CMPK1: variants seen among roughly 807,000 people sequenced by gnomAD.
CMPK1 encodes UMP-CMP kinase.
Under a neutral mutation model 25.7 loss-of-function variants are expected in CMPK1, and 10 were observed. The ratio of observed to expected loss-of-function variants is 0.39; its 90% CI spans 0.24 to 0.66. The LOEUF (loss-of-function observed/expected upper bound fraction) is 0.66, where lower values mean the gene tolerates loss of function less well. Among genes scored for constraint, CMPK1 ranks in the 30% least tolerant of loss-of-function variants. CMPK1 has a pLI of 0.48. For synonymous variants in CMPK1, 106 were observed against 101.5 expected, an observed-to-expected ratio of 1.04 and a Z score of -0.27; for missense variants, 199 against 280.5, an observed-to-expected ratio of 0.71 and a Z score of 2.08.
intron 1 of CMPK1, among the ~76,000 whole-genome samples, chr1:47,354,789 A>G (rs890129152): frequency 1.3e-5 from 2 of 152,118 alleles, no homozygotes; most frequent in African/African-American, 4.8e-5. Context: ...ATTCATGTAC[A>G]TATGTCTTTG....
chr1:47,354,663 G>A (rs553607553), intron 1 of CMPK1, among the ~76,000 whole-genome samples: 1 of 132,328 alleles, frequency 7.6e-6, no homozygotes, highest in East Asian at 2.6e-4. Flanking sequence ...GGAACATACA[G>A]ATAGTTCTAC....
At chr1:47,340,218 GC>G (rs1646431094) in intron 1 of CMPK1, among the ~76,000 whole-genome samples, 2 of 151,508 alleles carry the variant, frequency 1.3e-5, no homozygotes, top group Admixed American at 6.6e-5. Flanking sequence ...CTCCCAAGTT[GC>G]TAGGTCTACA....
At chr1:47,373,679 C>G (rs1646690702) in intron 3 of CMPK1, among the ~76,000 whole-genome samples, 1 of 151,886 alleles carries the variant, frequency 6.6e-6, no homozygotes, top group African/African-American at 2.4e-5. Flanking sequence ...GCCTGTAATC[C>G]CAGCTACTTG....
Position 47,333,905 on chromosome 1 carries a change from G to C in CMPK1, c.-41G>C. On this transcript the variant is annotated 5_prime_UTR_variant, in exon 1 of 6. Transcript: ENST00000371873. ...CCCCGCCCCGCCCCGCGCCGCGCCGGCCGCTGTCAGCTCCCTCAGCGTCCG... is the reference window on the plus strand; with the variant it reads ...CCCCGCCCCGCCCCGCGCCGCGCCGCCCGCTGTCAGCTCCCTCAGCGTCCG... The C allele has an allele frequency of 2.4e-6, 3 of 1,237,966 alleles. No homozygotes were observed. The highest frequency in any genetic ancestry group is 2.9e-5 in the South Asian group (1 of 34,892). 76.7% of individuals were successfully genotyped at this position (1,237,966 alleles called of 1,614,324 possible).
intron 2 of CMPK1, among the ~76,000 whole-genome samples, chr1:47,372,066 C>A (rs553021289): frequency 3.3e-5 from 5 of 151,934 alleles, no homozygotes; most frequent in Non-Finnish European, 7.4e-5. Flanking sequence ...TCTCTGTCAT[C>A]ACCTTAGTTC....
chr1:47,336,124 G>A (rs1295957377), intron 1 of CMPK1, among the ~76,000 whole-genome samples: 15 of 108,732 alleles, frequency 1.4e-4, no homozygotes, highest in East Asian at 1.3e-3. Context: ...GCGACAGAGC[G>A]AGACTCCGTC....
intron 1 of CMPK1, among the ~76,000 whole-genome samples, chr1:47,350,164 A>C (rs866726337): frequency 4.0e-4 from 61 of 152,034 alleles, no homozygotes; most frequent in Admixed American, 1.6e-3. Context: ...GTCTCGAACT[A>C]CTGGGTTCAA....
intron 1 of CMPK1, among the ~76,000 whole-genome samples, chr1:47,365,827 A>C (rs991656932): frequency 6.6e-6 from 1 of 152,140 alleles, no homozygotes; most frequent in African/African-American, 2.4e-5. Flanking sequence ...CAACTTCTTA[A>C]AGGAAAAATT....
intron 2 of CMPK1, among the ~76,000 whole-genome samples, chr1:47,371,665 A>T (rs950023038): frequency 6.6e-6 from 1 of 152,138 alleles, no homozygotes; most frequent in Admixed American, 6.6e-5. Context: ...ACTTGGTCTT[A>T]TTCAGCTCTC....
chr1:47,355,246 A>G (rs11579854), intron 1 of CMPK1, among the ~76,000 whole-genome samples: 40,595 of 151,052 alleles, frequency 0.27, 5,700 homozygotes, highest in Non-Finnish European at 0.31. Flanking sequence ...GGGTTTCGCT[A>G]TGTTGGCCAG....
chr1:47,367,859 C>G (rs1646650227), intron 1 of CMPK1, among the ~76,000 whole-genome samples: 1 of 152,118 alleles, frequency 6.6e-6, no homozygotes, highest in Non-Finnish European at 1.5e-5. Flanking sequence ...CCTTAAACTC[C>G]CAGACTCAAA....
intron 1 of CMPK1, among the ~76,000 whole-genome samples, chr1:47,335,908 G>C (rs577771130): frequency 6.6e-6 from 1 of 151,724 alleles, no homozygotes; most frequent in African/African-American, 2.4e-5. Context: ...GATTACAGGC[G>C]TGCGCCACCA....
chr1:47,334,016 C>G lies in CMPK1; in HGVS notation c.71C>G (p.Pro24Arg), dbSNP rs778515998. Residue 24 changes from proline to arginine, a missense_variant, in exon 1 of 6, where the codon CCG (proline) becomes CGG (arginine). By Grantham distance (103) the Pro-to-Arg change is moderately radical. This residue lies in a region of CMPK1 where 59 missense variants were observed against 45.1 expected (regional missense o/e 1.31). Coordinates refer to ENST00000371873, the MANE Select transcript of CMPK1 (RefSeq NM_016308.3). ...AGCTTCCTGCTGCAGACCCGCCGGC[C>G]GATTCTCCTCTGCTCTCCACGTCTC... ...GLSFLLQTRRPILLCSPRLMK... is the reference protein window; with the variant it reads ...GLSFLLQTRRRILLCSPRLMK... 1 of 1,549,872 alleles carries G rather than the reference C, an allele frequency of 6.5e-7. No homozygotes were observed. Among genetic ancestry groups the G allele is most frequent in the Non-Finnish European group, 8.7e-7 (1 of 1,148,180 alleles).
In CMPK1 at chr1:47,338,602, T is replaced by A. The variant is rs527833532; in HGVS notation, c.171+4486T>A. Among the ~76,000 whole-genome samples, 1,313 of 144,010 alleles carry A rather than the reference T, an allele frequency of 9.1e-3. 39 individuals are homozygous for A. Among genetic ancestry groups the A allele is most frequent in the African/African-American group, 0.032 (1,264 of 39,292 alleles). The allele number at this position is 144,010 out of a possible 152,430, so 94.5% of individuals were successfully genotyped here. On this transcript the variant is annotated intron_variant, in intron 1 of 5. Transcript: ENST00000371873. ...TTCCCTCCCTCCCTCCTTCCTGTTCTTTCTTTTTCTTCTTTTCTTTTTTTT... is the reference window on the plus strand; with the variant it reads ...TTCCCTCCCTCCCTCCTTCCTGTTCATTCTTTTTCTTCTTTTCTTTTTTTT...
intron 2 of CMPK1, among the ~76,000 whole-genome samples, chr1:47,368,913 TAGTG>T (rs752827296): frequency 1.3e-5 from 2 of 152,148 alleles, no homozygotes; most frequent in Non-Finnish European, 2.9e-5. Context: ...CTGGGAAACA[TAGTG>T]AGACCTCCTC....
At chr1:47,344,267 G>T (rs1332845807) in intron 1 of CMPK1, among the ~76,000 whole-genome samples, 4 of 152,108 alleles carry the variant, frequency 2.6e-5, no homozygotes, top group African/African-American at 9.7e-5. Context: ...CCCAGAGGAG[G>T]TGATGTGTAT....
intron 1 of CMPK1, among the ~76,000 whole-genome samples, chr1:47,364,119 C>T (rs920824147): frequency 2.0e-5 from 3 of 151,784 alleles, no homozygotes; most frequent in African/African-American, 7.3e-5. Flanking sequence ...GTTGACAGCA[C>T]ATAACCAGCA....
rs977102356 is a variant in CMPK1 at position 47,333,826 on chromosome 1, G to GGCGGCGGGGCC, written c.-111_-101dup. 5.5e-6 allele frequency: 3 copies of GGCGGCGGGGCC among 543,212 alleles called. No homozygotes were observed. The highest frequency in any genetic ancestry group is 7.1e-6 in the Non-Finnish European group (3 of 424,530). The allele number at this position is 543,212 out of a possible 1,614,324, so 33.6% of individuals were successfully genotyped here. A position where few individuals can be genotyped will look rare whatever the true frequency, so the allele number is the denominator to read the frequency against. ...GGGCCGCGGACGCCCGGGCAGCCAC[G>GGCGGCGGGGCC]GCGGCGGGGCCGCGGCGGGCGCCGG... On this transcript the variant is annotated 5_prime_UTR_variant, in exon 1 of 6. Transcript: ENST00000371873.
rs11286214 is a variant in CMPK1, at chr1:47,356,964, CTT to C, written c.172-11489_172-11488del. On this transcript the variant is annotated intron_variant, in intron 1 of 5. Coordinates refer to ENST00000371873, the MANE Select transcript of CMPK1 (RefSeq NM_016308.3). Reference sequence around the variant, plus strand: ...GCATGAGCCACCGCACCTGGTCTGCCTTTTTTTTTTTTTTTTTGAGACCGAGT... The same window carrying C: ...GCATGAGCCACCGCACCTGGTCTGCCTTTTTTTTTTTTTTTGAGACCGAGT... Among the ~76,000 whole-genome samples, 606 of 119,238 alleles carry C rather than the reference CTT, an allele frequency of 5.1e-3. 4 individuals carry two copies. Among genetic ancestry groups the C allele is most frequent in the South Asian group, 0.011 (41 of 3,596 alleles). 78.2% of individuals were successfully genotyped at this position (119,238 alleles called of 152,430 possible).
Sources: gnomAD v4.1 joint callset for allele counts (sites outside exome capture counted in the v4.1 genomes callset) on GRCh38, gnomAD v4.1.1 for gene constraint, gnomAD v4.1.1 regional missense constraint, MANE v1.5 for transcripts, NCBI Gene and HGNC (gene_info 2026-07-23, HGNC 2026-07-21) for gene names.